The following ADAM20 variants were observed in gnomAD, a reference collection of about 807,000 sequenced individuals.
ADAM20 encodes the protein ADAM metallopeptidase domain 20.
For missense variants in ADAM20, 871 were observed against 883.2 expected, an observed-to-expected ratio of 0.99 and a Z score of 0.18; for synonymous variants, 305 against 310.2, an observed-to-expected ratio of 0.98 and a Z score of 0.18.
At chr14:70,553,566 A>T in the ADAM20 span, among the ~76,000 whole-genome samples, 2 of 150,506 alleles carry the variant, frequency 1.3e-5, no homozygotes, top group South Asian at 4.2e-4. Flanking sequence ...ACCAAATTCA[A>T]AAGCATATTA....
intron 1 of ADAM20, among the ~76,000 whole-genome samples, chr14:70,527,660 A>T (rs1482396014): frequency 6.6e-6 from 1 of 152,202 alleles, no homozygotes; most frequent in Non-Finnish European, 1.5e-5. Flanking sequence ...AAATCTCTGT[A>T]GATCTCACAG....
chr14:70,560,182 G>C, the ADAM20 span, among the ~76,000 whole-genome samples: 2 of 152,084 alleles, frequency 1.3e-5, no homozygotes, highest in African/African-American at 4.8e-5. Context: ...ATGTTGCCTG[G>C]AATAACTGTT....
chr14:70,547,067 AACT>A, the ADAM20 span, among the ~76,000 whole-genome samples: 1 of 152,238 alleles, frequency 6.6e-6, no homozygotes, highest in African/African-American at 2.4e-5. Flanking sequence ...TACTATGAGC[AACT>A]ATATGCCAAT....
chr14:70,556,500 C>G, the ADAM20 span: 1 of 152,202 alleles, frequency 6.6e-6, no homozygotes. Context: ...TGCACAGATA[C>G]AGATAACCAA....
At chr14:70,558,047 A>G in the ADAM20 span, among the ~76,000 whole-genome samples, 2 of 152,228 alleles carry the variant, frequency 1.3e-5, no homozygotes, top group South Asian at 2.1e-4. Context: ...TATTTTTATC[A>G]TATTAGCTCT....
the ADAM20 span, among the ~76,000 whole-genome samples, chr14:70,567,839 G>C: frequency 6.6e-6 from 1 of 152,090 alleles, no homozygotes; most frequent in Non-Finnish European, 1.5e-5. Context: ...CGTGAGCTTT[G>C]CAACAGGGGC....
Position 70,522,820 on chromosome 14 carries a change from G to A in ADAM20, c.1938C>T (p.Cys646=). Residue 646 remains cysteine (C), a synonymous_variant, in exon 2 of 2, where the codon TGC becomes TGT. Transcript: ENST00000256389. The part of the protein sequence containing the change: ...QPKTCNMRGI[C]NNKQHCHCNH... ...TGCAGTGACAGTGTTGTTTGTTGTT[G>A]CAGATTCCCCTCATGTTGCAGGTCT... 1 of 1,614,060 alleles carries A rather than the reference G, an allele frequency of 6.2e-7. No homozygotes were observed. The highest frequency in any genetic ancestry group is 1.1e-5 in the South Asian group (1 of 91,078).
chr14:70,559,360 T>A, the ADAM20 span, among the ~76,000 whole-genome samples: 1 of 152,098 alleles, frequency 6.6e-6, no homozygotes, highest in East Asian at 1.9e-4. Context: ...CAAATCCTGT[T>A]GTTTTAACCT....
At chr14:70,575,871 A>G in the ADAM20 span, among the ~76,000 whole-genome samples, 2 of 152,224 alleles carry the variant, frequency 1.3e-5, no homozygotes, top group Non-Finnish European at 2.9e-5. Context: ...CTTAAAAAGG[A>G]GACAAAAATT....
At chr14:70,558,222 T>A in the ADAM20 span, among the ~76,000 whole-genome samples, 1 of 152,066 alleles carries the variant, frequency 6.6e-6, no homozygotes, top group Non-Finnish European at 1.5e-5. Context: ...GGGACAAAAA[T>A]TATAAAGAGA....
Position 70,523,534 on chromosome 14 carries a change from C to G in ADAM20, c.1224G>C (p.Lys408Asn), listed in dbSNP as rs1259302261. The change falls in exon 2 of 2, where the codon AAG (lysine) becomes AAC (asparagine). Residue 408 changes from lysine to asparagine, a missense_variant. Transcript: ENST00000256389. ...PPYPGNIFRL[K>N]YCGNLVVEEG... ...CTTCAACCACTAGATTCCCACAGTA[C>G]TTCAGTCTAAATATATTCCCTGGAT... The G allele has an allele frequency of 1.2e-6, 2 of 1,614,102 alleles. No individual in the cohort carries two copies. The highest frequency in any genetic ancestry group is 1.7e-6 in the Non-Finnish European group (2 of 1,179,970).
the ADAM20 span, among the ~76,000 whole-genome samples, chr14:70,575,892 A>G: frequency 6.6e-6 from 1 of 152,210 alleles, no homozygotes; most frequent in East Asian, 1.9e-4. Context: ...TGAATATACA[A>G]TATGGATAGA....
the ADAM20 span, among the ~76,000 whole-genome samples, chr14:70,558,014 G>C: frequency 6.6e-6 from 1 of 152,124 alleles, no homozygotes; most frequent in Non-Finnish European, 1.5e-5. Flanking sequence ...GCACTCAGTA[G>C]GAAATCCTGG....
the ADAM20 span, among the ~76,000 whole-genome samples, chr14:70,565,534 G>A: frequency 6.6e-6 from 1 of 152,218 alleles, no homozygotes; most frequent in South Asian, 2.1e-4. Flanking sequence ...ACTCATTACA[G>A]GCAAAGGAGC....
Position 70,523,850 on chromosome 14 carries a change from G to A in ADAM20, c.908C>T (p.Thr303Ile), listed in dbSNP as rs1233156645. ...HDVAHLFIKD[T>I]QGMKLGVAYV... ...GGCAACACCAAGCTTCATGCCTTGT[G>A]TGTCTTTTATGAAAAGATGTGCAAC... The change falls in exon 2 of 2, where the codon ACA (threonine) becomes ATA (isoleucine). Residue 303 changes from threonine to isoleucine, a missense_variant. Physicochemically the swap from Thr to Ile is moderately conservative, Grantham distance 89. Transcript: ENST00000256389. The A allele has an allele frequency of 8.7e-6, 14 of 1,613,946 alleles. No homozygotes were observed. Among genetic ancestry groups the A allele is most frequent in the Non-Finnish European group, 1.2e-5 (14 of 1,179,918 alleles).
chr14:70,528,024 T>C (rs1883627207), intron 1 of ADAM20, among the ~76,000 whole-genome samples: 1 of 152,244 alleles, frequency 6.6e-6, no homozygotes, highest in Non-Finnish European at 1.5e-5. Context: ...ATAAGCATCA[T>C]ATCCTGTGTT....
chr14:70,563,578 C>A, the ADAM20 span, among the ~76,000 whole-genome samples: 3 of 152,260 alleles, frequency 2.0e-5, no homozygotes, highest in Non-Finnish European at 4.4e-5. Context: ...GAAATGTAAT[C>A]CCCAGCGTTG....
the ADAM20 span, chr14:70,556,218 C>T: frequency 2.6e-5 from 4 of 152,648 alleles, no homozygotes; most frequent in Middle Eastern, 3.4e-3. Context: ...TGGTGATTCC[C>T]CAGAATTTTC....
intron 1 of ADAM20, among the ~76,000 whole-genome samples, chr14:70,531,580 G>C (rs141005722): frequency 1.3e-5 from 2 of 151,992 alleles, no homozygotes; most frequent in Admixed American, 1.3e-4. Flanking sequence ...CTATGTTCAC[G>C]GATGACTTGA....
Sources: gnomAD v4.1 joint callset for allele counts (sites outside exome capture counted in the v4.1 genomes callset) on GRCh38, gnomAD v4.1.1 for gene constraint, MANE v1.5 for transcripts, NCBI Gene and HGNC (gene_info 2026-07-23, HGNC 2026-07-21) for gene names.